LYPD1: variants seen among roughly 807,000 people sequenced by gnomAD.
LYPD1 encodes the protein ly6/PLAUR domain-containing protein 1.
LYPD1 carries 14 observed loss-of-function variants against 14.2 expected under a neutral mutation model. The observed-to-expected ratio is 0.99, with a 90% CI of 0.65 to 1.54. LYPD1 has a LOEUF of 1.54. Ranked by LOEUF, LYPD1 falls within the 40% of genes most tolerant of loss-of-function variation. The probability of loss-of-function intolerance (pLI) is 0.00; values close to 1 mark genes in which losing one functional copy is unlikely to be tolerated. For missense variants in LYPD1, 165 were observed against 175.7 expected (o/e 0.94, Z 0.34); for synonymous variants, 85 against 70.6 (o/e 1.20, Z -1.02).
At chr2:132,652,191 T>G (rs534104338) in intron 2 of LYPD1, among the ~76,000 whole-genome samples, 1 of 152,348 alleles carries the variant, frequency 6.6e-6, no homozygotes, top group Non-Finnish European at 1.5e-5. Flanking sequence ...TAATCGCTTC[T>G]AATACACTAC....
At chr2:132,668,283 A>G in intron 2 of LYPD1, 117 bp downstream of exon 2, 1 of 1,283,342 alleles carries the variant, frequency 7.8e-7, no homozygotes, top group Non-Finnish European at 1.1e-6. Context: ...AATCTGCGAT[A>G]ACCAGTGTGT....
intron 2 of LYPD1, among the ~76,000 whole-genome samples, chr2:132,658,558 A>G (rs1320381736): frequency 2.6e-5 from 4 of 152,202 alleles, no homozygotes; most frequent in African/African-American, 9.7e-5. Context: ...TATTAATGAT[A>G]TTCAACAAAG....
At chr2:132,665,142 T>C (rs919521003) in intron 2 of LYPD1, among the ~76,000 whole-genome samples, 2 of 152,162 alleles carry the variant, frequency 1.3e-5, no homozygotes, top group Non-Finnish European at 2.9e-5. Context: ...CTCTGGGGAA[T>C]AGGTAAAGGT....
chr2:132,667,947 G>T (rs147549183), intron 2 of LYPD1, among the ~76,000 whole-genome samples: 206 of 152,340 alleles, frequency 1.4e-3, no homozygotes, highest in African/African-American at 4.7e-3. Context: ...AGATCCTGTA[G>T]TGTTCTTCAA....
At chr2:132,671,181 T>C (rs1683699560), upstream of LYPD1, 1 of 152,316 alleles carries the variant, frequency 6.6e-6, no homozygotes, top group Non-Finnish European at 1.5e-5. Flanking sequence ...TGACCCACCT[T>C]GCGGACTCCC....
chr2:132,664,632 A>T (rs1186779639), intron 2 of LYPD1, among the ~76,000 whole-genome samples: 1 of 152,370 alleles, frequency 6.6e-6, no homozygotes, highest in East Asian at 1.9e-4. Context: ...CTTTTAAATA[A>T]GGTTTAGGAG....
intron 2 of LYPD1, among the ~76,000 whole-genome samples, chr2:132,655,837 T>A (rs565431446): frequency 6.6e-6 from 1 of 152,158 alleles, no homozygotes; most frequent in Admixed American, 6.5e-5. Flanking sequence ...TAAACTAATC[T>A]TCTCCTACAA....
At chr2:132,655,960 C>T (rs973884140) in intron 2 of LYPD1, among the ~76,000 whole-genome samples, 2 of 152,196 alleles carry the variant, frequency 1.3e-5, no homozygotes. Flanking sequence ...TCACCCCCCT[C>T]CACTCCCCTA....
intron 2 of LYPD1, among the ~76,000 whole-genome samples, chr2:132,649,349 G>A (rs912799821): frequency 3.9e-5 from 6 of 152,170 alleles, no homozygotes; most frequent in African/African-American, 1.2e-4. Context: ...GGGGCAGAGG[G>A]ACTGATATTT....
chr2:132,658,431 C>T (rs1034193493), intron 2 of LYPD1, among the ~76,000 whole-genome samples: 2 of 152,146 alleles, frequency 1.3e-5, no homozygotes, highest in African/African-American at 2.4e-5. Context: ...AGTGTTGCCC[C>T]AGAGACTAAT....
Position 132,645,724 on chromosome 2 carries a change from T to C in LYPD1, c.*321A>G. On this transcript the variant is annotated 3_prime_UTR_variant, in exon 3 of 3. Transcript: ENST00000397463. ...GGGATGGAATGGACACTGGAGGCTT[T>C]ACAAAAGGCAGATGCCCACCTCAGT... is the stretch of plus-strand genomic sequence containing the variant. 7.2e-7 allele frequency: 1 copy of C among 1,389,500 alleles called. No individual in the cohort carries two copies. Among genetic ancestry groups the C allele is most frequent in the Non-Finnish European group, 9.7e-7 (1 of 1,035,922 alleles). The allele number at this position is 1,389,500 out of a possible 1,614,324, so 86.1% of individuals were successfully genotyped here.
At position 132,645,092 on chromosome 2, in the gene LYPD1, T is replaced by C. The variant is rs1382426118; in HGVS notation, c.*953A>G. The C allele has an allele frequency of 1.2e-6, 2 of 1,603,152 alleles. No homozygotes were observed. Among genetic ancestry groups the C allele is most frequent in the South Asian group, 2.2e-5 (2 of 89,638 alleles). On this transcript the variant is annotated 3_prime_UTR_variant, in exon 3 of 3. Transcript: ENST00000397463. ...TCTCTGTCTCTCCCTCCTGCTCGTGTCTGCCCAGGGCTGATTGTTGTGACA... is the reference window on the plus strand; with the variant it reads ...TCTCTGTCTCTCCCTCCTGCTCGTGCCTGCCCAGGGCTGATTGTTGTGACA...
chr2:132,657,890 AT>A (rs1682693980), intron 2 of LYPD1, among the ~76,000 whole-genome samples: 1 of 151,992 alleles, frequency 6.6e-6, no homozygotes, highest in African/African-American at 2.4e-5. Context: ...ACTTTGTTGA[AT>A]TTTTCTAATC....
intron 2 of LYPD1, among the ~76,000 whole-genome samples, chr2:132,652,229 A>G (rs1682386267): frequency 6.6e-6 from 1 of 152,210 alleles, no homozygotes; most frequent in South Asian, 2.1e-4. Flanking sequence ...CTTTATTAAT[A>G]GAACGTAAGC....
At chr2:132,664,689 A>C (rs2566535) in intron 2 of LYPD1, among the ~76,000 whole-genome samples, 100,678 of 152,108 alleles carry the variant, frequency 0.66, 34,593 homozygotes, top group African/African-American at 0.86. Flanking sequence ...TTACTAAGGG[A>C]AGAAATTGGC....
At chr2:132,658,802 G>A (rs918640149) in intron 2 of LYPD1, among the ~76,000 whole-genome samples, 2 of 152,162 alleles carry the variant, frequency 1.3e-5, no homozygotes, top group Admixed American at 6.5e-5. Context: ...GGACCAGGGG[G>A]CATAAAACCA....
chr2:132,662,422 C>T (rs1302362514), intron 2 of LYPD1, among the ~76,000 whole-genome samples: 2 of 152,198 alleles, frequency 1.3e-5, no homozygotes, highest in Admixed American at 6.5e-5. Context: ...GAACCTAGAA[C>T]ATAGGGGTTC....
intron 2 of LYPD1, among the ~76,000 whole-genome samples, chr2:132,667,672 T>C (rs1683358806): frequency 6.6e-6 from 1 of 152,174 alleles, no homozygotes; most frequent in African/African-American, 2.4e-5. Flanking sequence ...GTTCCAGATA[T>C]ACTTTGGGGA....
chr2:132,655,513 C>CCTTTTTTTTTTT (rs1558879316), intron 2 of LYPD1, among the ~76,000 whole-genome samples: 2 of 61,018 alleles, frequency 3.3e-5, no homozygotes, highest in Admixed American at 1.5e-4. Context: ...GGTTGAGAAG[C>CCTTTTTTTTTTT]ATTTTTTTTT....
Sources: allele counts gnomAD v4.1 joint callset (sites outside exome capture counted in the v4.1 genomes callset), GRCh38; gene constraint gnomAD v4.1.1; transcripts MANE v1.5; gene names NCBI Gene and HGNC (gene_info 2026-07-23, HGNC 2026-07-21).